CORO1C: variants seen among roughly 807,000 people sequenced by gnomAD.
The protein encoded by CORO1C is coronin-1C.
A neutral mutation model predicts 51.2 loss-of-function variants in CORO1C; 14 were observed. That is an observed-to-expected ratio of 0.27 (90% confidence interval 0.18 to 0.43). The LOEUF (loss-of-function observed/expected upper bound fraction) is 0.43, where lower values mean the gene tolerates loss of function less well. CORO1C is among the 20% of genes least tolerant of loss of function. The pLI is 1.00. For synonymous variants in CORO1C, 181 were observed against 210.5 expected (o/e 0.86, Z 1.21); for missense variants, 417 against 607.8 (o/e 0.69, Z 3.30).
chr12:108,717,076 A>C (rs926218419), intron 1 of CORO1C, among the ~76,000 whole-genome samples: 4 of 152,256 alleles, frequency 2.6e-5, no homozygotes, highest in East Asian at 1.9e-4. Flanking sequence ...GCAGAAGAAC[A>C]CAAGGTAACT....
intron 8 of CORO1C, among the ~76,000 whole-genome samples, chr12:108,651,110 C>A (rs1437335057): frequency 6.6e-6 from 1 of 152,236 alleles, no homozygotes; most frequent in Admixed American, 6.5e-5. Context: ...CACGACCACA[C>A]ATAGCAAATT....
At chr12:108,662,405 G>A (rs117461253) in intron 3 of CORO1C, among the ~76,000 whole-genome samples, 1,720 of 152,046 alleles carry the variant, frequency 0.011, 15 homozygotes, top group Non-Finnish European at 0.018. Context: ...GCAGTGGCGC[G>A]ATCTCGGCTC....
intron 1 of CORO1C, chr12:108,701,637 G>A (rs2034874935): frequency 2.9e-6 from 1 of 346,632 alleles, no homozygotes; most frequent in East Asian, 6.6e-5. Context: ...AGGGTTGGGT[G>A]GGAGCTGACA....
intron 1 of CORO1C, among the ~76,000 whole-genome samples, chr12:108,725,774 C>G (rs1376076976): frequency 6.6e-6 from 1 of 152,202 alleles, no homozygotes; most frequent in African/African-American, 2.4e-5. Flanking sequence ...ACTGGTTTCT[C>G]CTAATTCTCA....
At chr12:108,694,099 C>A (rs1565925448) in intron 2 of CORO1C, among the ~76,000 whole-genome samples, 1 of 152,102 alleles carries the variant, frequency 6.6e-6, no homozygotes, top group South Asian at 2.1e-4. Flanking sequence ...CTGGCCAACA[C>A]AGTGAAACTC....
chr12:108,657,315 G>C lies in CORO1C; in HGVS notation c.739C>G (p.Leu247Val), dbSNP rs1179212552. The change falls in exon 6 of 11, where the codon CTC (leucine) becomes GTC (valine). Residue 247 changes from leucine to valine, a missense_variant. By Grantham distance (32) the Leu-to-Val change is conservative. Transcript: ENST00000261401. ...FSRMSERQLA[L>V]WNPKNMQEPI... ...TGGGGAGGGCGTACCGGATTCCAGA[G>C]AGCCAGCTGCCGCTCGCTCATGCGG... The C allele has an allele frequency of 6.2e-7, 1 of 1,613,902 alleles. No homozygotes were observed. Among genetic ancestry groups the C allele is most frequent in the Non-Finnish European group, 8.5e-7 (1 of 1,179,888 alleles).
chr12:108,706,599 T>G (rs2136871192), intron 1 of CORO1C, among the ~76,000 whole-genome samples: 1 of 152,192 alleles, frequency 6.6e-6, no homozygotes, highest in African/African-American at 2.4e-5. Flanking sequence ...TATATAAAAA[T>G]CATTTTTTTT....
At position 108,661,287 on chromosome 12, in the gene CORO1C, T is replaced by C. The variant is rs577987496; in HGVS notation, c.448+742A>G. ...CCAGTGTCCAGAAATAGGGGACTTA[T>C]CAAGTAAAATGAGGTATATCCAGAA... On this transcript the variant is annotated intron_variant, in intron 4 of 10. Transcript: ENST00000261401. Among the ~76,000 whole-genome samples the C allele has an allele frequency of 8.5e-4, 130 of 152,276 alleles. 2 individuals are homozygous for C. Among genetic ancestry groups the C allele is most frequent in the African/African-American group, 2.9e-3 (119 of 41,562 alleles).
rs1288260170 is a variant in CORO1C, at chr12:108,648,657, T to C, written c.1253A>G (p.Lys418Arg). ...NILDSKPTAN[K>R]KCDLISIPKK... ...GGGGATGCTGATCAGGTCGCACTTCTTGTTTGCAGTGGGCTTGCTATCCAG... is the reference window on the plus strand; with the variant it reads ...GGGGATGCTGATCAGGTCGCACTTCCTGTTTGCAGTGGGCTTGCTATCCAG... Residue 418 changes from lysine to arginine, a missense_variant, in exon 10 of 11, where the codon AAG becomes AGG. Physicochemically the swap from Lys to Arg is conservative, Grantham distance 26. Coordinates refer to ENST00000261401, the MANE Select transcript of CORO1C (RefSeq NM_014325.4). 6.2e-7 allele frequency: 1 copy of C among 1,614,216 alleles called. No homozygotes were observed. Among genetic ancestry groups the C allele is most frequent in the Non-Finnish European group, 8.5e-7 (1 of 1,180,032 alleles).
chr12:108,658,792 A>G lies in CORO1C; in HGVS notation c.576T>C (p.Ala192=), dbSNP rs1187556833. The part of the protein sequence containing the change: ...WNRNGSLICT[A]SKDKKVRVID... ...TGACTCTCACTTTCTTGTCTTTGGAAGCTGTGCAGATCAGACTGCCATTCC... is the reference window on the plus strand; with the variant it reads ...TGACTCTCACTTTCTTGTCTTTGGAGGCTGTGCAGATCAGACTGCCATTCC... The change falls in exon 5 of 11, where the codon GCT becomes GCC. Residue 192 remains alanine, a synonymous_variant. Coordinates refer to ENST00000261401, the MANE Select transcript of CORO1C (RefSeq NM_014325.4). This position sits in a 1 kb window ranked among gnomAD's most constrained non-coding sequence, Gnocchi z 4.9. 4 of 1,613,400 alleles carry G rather than the reference A, an allele frequency of 2.5e-6. No homozygotes were observed. The African/African-American group carries it at 5.3e-5, about 22-fold the overall frequency.
rs1229315337 is a variant in CORO1C at position 108,648,608 on chromosome 12, A to G, written c.1302T>C (p.Ser434=). 1.9e-6 allele frequency: 3 copies of G among 1,614,032 alleles called. No individual in the cohort carries two copies. Among genetic ancestry groups the G allele is most frequent in the Non-Finnish European group, 2.5e-6 (3 of 1,180,024 alleles). The change falls in exon 10 of 11, where the codon AGT becomes AGC. Residue 434 remains serine (S), a synonymous_variant. Coordinates refer to ENST00000261401, the MANE Select transcript of CORO1C (RefSeq NM_014325.4). ...CCTGCACTCCACTGGTCCTCACCAC[A>G]CTGGCCGTGTCTGTGGTTTTCTTGG... The part of the protein sequence containing the change: ...SIPKKTTDTA[S]VQNEAKLDEI...
chr12:108,686,904 C>A (rs2034313062), intron 2 of CORO1C, among the ~76,000 whole-genome samples: 1 of 152,212 alleles, frequency 6.6e-6, no homozygotes, highest in Non-Finnish European at 1.5e-5. Flanking sequence ...ATGTATACAG[C>A]TGGCACAAGG....
chr12:108,686,972 T>C (rs1490897533), intron 2 of CORO1C, among the ~76,000 whole-genome samples: 1 of 152,230 alleles, frequency 6.6e-6, no homozygotes, highest in African/African-American at 2.4e-5. Flanking sequence ...TGATGTCTTA[T>C]GAGCATGTTC....
chr12:108,715,725 T>C (rs2035314766), intron 1 of CORO1C, among the ~76,000 whole-genome samples: 1 of 144,920 alleles, frequency 6.9e-6, no homozygotes, highest in South Asian at 2.2e-4. Context: ...AGCTTAATTC[T>C]GTGTCTCTCT....
intron 2 of CORO1C, among the ~76,000 whole-genome samples, chr12:108,689,849 AATTCTT>A (rs1228543162): frequency 7.2e-5 from 11 of 152,330 alleles, no homozygotes; most frequent in Admixed American, 2.0e-4. Context: ...ACATACTGAG[AATTCTT>A]CAACTCAGCA....
At chr12:108,670,091 C>G (rs1210198815) in intron 3 of CORO1C, among the ~76,000 whole-genome samples, 1 of 152,008 alleles carries the variant, frequency 6.6e-6, no homozygotes, top group Admixed American at 6.5e-5. Flanking sequence ...GAAGTCCCTC[C>G]GTAAAAAGAC....
chr12:108,713,667 A>G (rs912100999), intron 1 of CORO1C, among the ~76,000 whole-genome samples: 4 of 152,242 alleles, frequency 2.6e-5, no homozygotes, highest in Admixed American at 6.5e-5. Context: ...GAAGACGTAT[A>G]ACTCCTCCAA....
At chr12:108,673,145 G>A (rs781016351) in intron 3 of CORO1C, among the ~76,000 whole-genome samples, 6 of 152,290 alleles carry the variant, frequency 3.9e-5, no homozygotes, top group Admixed American at 3.3e-4. Context: ...AAAGCTAAGC[G>A]CCTCTTAAGC....
Position 108,658,252 on chromosome 12 carries a change from G to T in CORO1C, c.630+486C>A, listed in dbSNP as rs2033109998. Among the ~76,000 whole-genome samples, 1 of 151,798 alleles carries T rather than the reference G, an allele frequency of 6.6e-6. No individual in the cohort carries two copies. Among genetic ancestry groups the T allele is most frequent in the African/African-American group, 2.4e-5 (1 of 41,284 alleles). On this transcript the variant is annotated intron_variant, in intron 5 of 10. Transcript: ENST00000261401. The surrounding 1 kb of genome is among the most constrained non-coding windows in gnomAD (Gnocchi z 4.9). Reference sequence around the variant, plus strand: ...GTAGAGACAGAGTTTCACCATGTTGGCCAGGCTGGTCTCAAACTCCTGACC... The same window carrying T: ...GTAGAGACAGAGTTTCACCATGTTGTCCAGGCTGGTCTCAAACTCCTGACC...
Sources: gnomAD v4.1 joint callset for allele counts (sites outside exome capture counted in the v4.1 genomes callset) on GRCh38, gnomAD v4.1.1 for gene constraint, Gnocchi (gnomAD v3.1) non-coding constraint, MANE v1.5 for transcripts, NCBI Gene and HGNC (gene_info 2026-07-23, HGNC 2026-07-21) for gene names.